Variants in APOB observed in about 807,000 individuals in gnomAD.
APOB encodes the protein apolipoprotein B, also known as apolipoprotein B-100.
APOB carries 153 observed loss-of-function variants against 314.1 expected under a neutral mutation model. The observed-to-expected ratio is 0.49, with a 90% CI of 0.43 to 0.56. The LOEUF (loss-of-function observed/expected upper bound fraction) is 0.56. Ranked by LOEUF, APOB falls within the 20% of genes least tolerant of loss-of-function variation. APOB has a pLI of 0.00. For synonymous variants in APOB, 2,087 were observed against 2,036.4 expected, an observed-to-expected ratio of 1.02 and a Z score of -0.67; for missense variants, 5,430 against 5,350.7, an observed-to-expected ratio of 1.01 and a Z score of -0.46.
At position 21,009,450 on chromosome 2, in the gene APOB, G is replaced by A; in HGVS notation, c.7418C>T (p.Thr2473Ile). Residue 2473 changes from threonine (T) to isoleucine (I), a missense_variant, in exon 26 of 29, where the codon ACC becomes ATC. Thr to Ile is a moderately conservative substitution (Grantham distance 89, BLOSUM62 -1). Transcript: ENST00000233242. ...AEALKLFLEE[T>I]KATVAVYLES... is the part of the protein sequence containing the mutation. ...CAGATACACTGCAACTGTGGCCTTG[G>A]TTTCCTCTAAAAACAGTTTTAATGC... The A allele has an allele frequency of 2.5e-6, 4 of 1,614,010 alleles. No homozygotes were observed. Among genetic ancestry groups the A allele is most frequent in the South Asian group, 2.2e-5 (2 of 91,064 alleles).
intron 17 of APOB, 133 bp downstream of exon 17, chr2:21,023,392 A>C: frequency 9.1e-7 from 1 of 1,097,594 alleles, no homozygotes; most frequent in Non-Finnish European, 1.4e-6. Context: ...TTTCATAAAA[A>C]AATAATGAGG....
Position 21,014,593 on chromosome 2 carries a change from C to T in APOB, c.3697G>A (p.Ala1233Thr). The change falls in exon 24 of 29, where the codon GCA becomes ACA. Residue 1233 changes from alanine (A) to threonine (T), a missense_variant and splice_region_variant. Physicochemically the swap from Ala to Thr is moderately conservative, Grantham distance 58 (BLOSUM62 0). Coordinates refer to ENST00000233242, the MANE Select transcript of APOB (RefSeq NM_000384.3). ...GCCTTCTGAAGCCATGAGCTCATTG[C>T]CTACAAAATGACAGGAGATTTTTAA... Reference protein sequence around the residue: ...FRHVGSKLIVAMSSWLQKASG... With the variant: ...FRHVGSKLIVTMSSWLQKASG... 1 of 1,613,940 alleles carries T rather than the reference C, an allele frequency of 6.2e-7. No homozygotes were observed. The highest frequency in any genetic ancestry group is 8.5e-7 in the Non-Finnish European group (1 of 1,179,906).
rs1031706455 is a variant in APOB at position 21,044,064 on chromosome 2, C to G, written c.-119G>C. The G allele has an allele frequency of 1.2e-5, 5 of 411,370 alleles. No individual in the cohort carries two copies. The highest frequency in any genetic ancestry group is 1.1e-4 in the African/African-American group (5 of 47,286). The allele number at this position is 411,370 out of a possible 1,614,324, so 25.5% of individuals were successfully genotyped here. On this transcript the variant is annotated 5_prime_UTR_variant, in exon 1 of 29. Transcript: ENST00000233242. ...GAAGGGCACTCAGCCCCGCAGGTCC[C>G]GGTGGGAATGCGCGGCCGGCGCCCG... is the stretch of plus-strand genomic sequence containing the variant.
intron 23 of APOB, 96 bp downstream of exon 23, chr2:21,014,977 A>G (rs1663427705): frequency 6.2e-6 from 8 of 1,299,822 alleles, no homozygotes; most frequent in South Asian, 4.8e-5. Context: ...AGCATGCCTT[A>G]TACATCTTTG....
chr2:21,008,891 A>G lies in APOB; in HGVS notation c.7977T>C (p.Pro2659=), dbSNP rs749975402. 1 of 1,614,102 alleles carries G rather than the reference A, an allele frequency of 6.2e-7. No homozygotes were observed. Among genetic ancestry groups the G allele is most frequent in the Non-Finnish European group, 8.5e-7 (1 of 1,179,934 alleles). Reference sequence around the variant, plus strand: ...TTTCTACAAAGTCAATTGTAAAGGAAGGAATGTGGAAGGTGTTAAGGATGG... The same window carrying G: ...TTTCTACAAAGTCAATTGTAAAGGAGGGAATGTGGAAGGTGTTAAGGATGG... ...EFTILNTFHI[P]SFTIDFVEMK... is the part of the protein sequence containing the mutation. The change falls in exon 26 of 29, where the codon CCT becomes CCC. Residue 2659 remains proline (P), a synonymous_variant. Transcript: ENST00000233242.
rs1663131953 is a variant in APOB at position 21,006,173 on chromosome 2, G to A, written c.10695C>T (p.His3565=). 6.2e-7 allele frequency: 1 copy of A among 1,613,884 alleles called. No homozygotes were observed. The highest frequency in any genetic ancestry group is 1.7e-5 in the Admixed American group (1 of 59,954). ...CTAGCTGTAAGTGGTTTTTCGTACT[G>A]TGCTCCCAGAGGGAATATATGCGTT... ...TLQRIYSLWE[H]STKNHLQLEG... The change falls in exon 26 of 29, where the codon CAC becomes CAT. Residue 3565 remains histidine (H), a synonymous_variant. Coordinates refer to ENST00000233242, the MANE Select transcript of APOB (RefSeq NM_000384.3).
chr2:21,032,605 G>C, intron 9 of APOB, 24 bp from the exon 10 acceptor site: 6 of 1,585,884 alleles, frequency 3.8e-6, no homozygotes, highest in Non-Finnish European at 5.2e-6. Flanking sequence ...CATGGATAAA[G>C]TTATACAGAC....
chr2:21,006,663 C>G lies in APOB; in HGVS notation c.10205G>C (p.Ser3402Thr), dbSNP rs1245720904. 3 of 1,613,956 alleles carry G rather than the reference C, an allele frequency of 1.9e-6. No homozygotes were observed. The African/African-American group carries it at 4.0e-5, about 22-fold the overall frequency. Residue 3402 changes from serine (S) to threonine (T), a missense_variant, in exon 26 of 29, where the codon AGC becomes ACC. By Grantham distance (58) the Ser-to-Thr change is moderately conservative. This residue lies in a region of APOB where 3,281 missense variants were observed against 3,171.0 expected (regional missense o/e 1.03). Coordinates refer to ENST00000233242, the MANE Select transcript of APOB (RefSeq NM_000384.3). ...GLKLATALSL[S>T]NKFVEGSHNS... ...ATGACTACCCTCCACAAATTTGTTG[C>G]TCAGAGACAGAGCTGTGGCTAACTT...
At chr2:21,014,138 C>G (rs946549864) in intron 24 of APOB, among the ~76,000 whole-genome samples, 1 of 152,174 alleles carries the variant, frequency 6.6e-6, no homozygotes, top group African/African-American at 2.4e-5. Flanking sequence ...TAGTCAATAA[C>G]GCCTCTAGCC....
At position 21,033,513 on chromosome 2, in the gene APOB, T is replaced by C. The variant is rs770450490; in HGVS notation, c.910A>G (p.Lys304Glu). Residue 304 changes from lysine to glutamate, a missense_variant, in exon 9 of 29, where the codon AAG (lysine) becomes GAG (glutamate). This residue lies in a region of APOB where 2,085 missense variants were observed against 2,079.7 expected (regional missense o/e 1.00). Coordinates refer to ENST00000233242, the MANE Select transcript of APOB (RefSeq NM_000384.3). ...INSRFFGEGT[K>E]KMGLAFESTK... The stretch of plus-strand genomic sequence containing the variant: ...CTCTCAAATGCGAGGCCCATCTTCT[T>C]AGTACCTGGAAGATGGAAAGTGTCA... 12 of 1,612,694 alleles carry C rather than the reference T, an allele frequency of 7.4e-6. No homozygotes were observed. Among genetic ancestry groups the C allele is most frequent in the Non-Finnish European group, 1.0e-5 (12 of 1,178,796 alleles).
chr2:21,014,686 A>C, intron 23 of APOB, 93 bp from the exon 24 acceptor site: 1 of 1,333,174 alleles, frequency 7.5e-7, no homozygotes, highest in Non-Finnish European at 1.1e-6. Context: ...TGACAAGTTA[A>C]TTATTAAGCT....
At chr2:21,024,906 G>A in intron 16 of APOB, 27 bp downstream of exon 16, 2 of 1,613,378 alleles carry the variant, frequency 1.2e-6, no homozygotes, top group Non-Finnish European at 1.7e-6. Context: ...TGGTCTCATG[G>A]GCCCCCAGTG....
chr2:21,022,714 C>T, intron 18 of APOB, 117 bp downstream of exon 18: 2 of 916,502 alleles, frequency 2.2e-6, no homozygotes, highest in African/African-American at 1.6e-5. Context: ...CTACTCCTCT[C>T]CTGCTTCCTC....
intron 9 of APOB, 151 bp from the exon 10 acceptor site, chr2:21,032,732 G>C (rs1160155610): frequency 2.8e-6 from 2 of 718,506 alleles, no homozygotes; most frequent in Non-Finnish European, 5.0e-6. Flanking sequence ...TCAGAACCAT[G>C]ATGCTTTCCT....
Position 21,007,695 on chromosome 2 carries a change from A to G in APOB, c.9173T>C (p.Val3058Ala). 6.2e-7 allele frequency: 1 copy of G among 1,614,102 alleles called. No individual in the cohort carries two copies. Among genetic ancestry groups the G allele is most frequent in the Non-Finnish European group, 8.5e-7 (1 of 1,179,952 alleles). Residue 3058 changes from valine (V) to alanine (A), a missense_variant, in exon 26 of 29, where the codon GTT becomes GCT. Transcript: ENST00000233242. ...ASTNNEGNLKVRFPLRLTGKI... is the reference protein window; with the variant it reads ...ASTNNEGNLKARFPLRLTGKI... ...CCCTGTTAACCTTAATGGAAAACGA[A>G]CTTTCAAATTCCCTTCATTGTTTGT...
At position 21,006,239 on chromosome 2, in the gene APOB, G is replaced by C. The variant is rs1553382944; in HGVS notation, c.10629C>G (p.Asn3543Lys). Residue 3543 changes from asparagine to lysine, a missense_variant, in exon 26 of 29, where the codon AAC becomes AAG. Coordinates refer to ENST00000233242, the MANE Select transcript of APOB (RefSeq NM_000384.3). ...CAGCAAAATTTTCTTTTACTTCAAG[G>C]TTCCAGATATCATCAATTTTGGAAG... ...QGTSKIDDIW[N>K]LEVKENFAGE... is the part of the protein sequence containing the mutation. 6.2e-6 allele frequency: 10 copies of C among 1,614,042 alleles called. No individual in the cohort carries two copies. Among genetic ancestry groups the C allele is most frequent in the Non-Finnish European group, 7.6e-6 (9 of 1,179,966 alleles).
rs747463777 is a variant in APOB, at chr2:21,004,411, G to T, written c.11945C>A (p.Ala3982Glu). The T allele has an allele frequency of 6.2e-7, 1 of 1,614,034 alleles. No homozygotes were observed. The highest frequency in any genetic ancestry group is 8.5e-7 in the Non-Finnish European group (1 of 1,179,938). Residue 3982 changes from alanine to glutamate, a missense_variant, in exon 28 of 29, where the codon GCG (alanine) becomes GAG (glutamate). This residue lies in a region of APOB where 3,281 missense variants were observed against 3,171.0 expected (regional missense o/e 1.03). Transcript: ENST00000233242. ...GKAHLNIKSPAFTDLHLRYQK... is the reference protein window; with the variant it reads ...GKAHLNIKSPEFTDLHLRYQK... ...GTAGCGCAGATGGAGATCGGTGAAC[G>T]CTGGGCTTTTGATATTGAGGTGCGC... is the stretch of plus-strand genomic sequence containing the variant.
chr2:21,007,642 G>A lies in APOB; in HGVS notation c.9226C>T (p.Leu3076=). 1 of 1,614,082 alleles carries A rather than the reference G, an allele frequency of 6.2e-7. No individual in the cohort carries two copies. Among genetic ancestry groups the A allele is most frequent in the Non-Finnish European group, 8.5e-7 (1 of 1,179,966 alleles). Residue 3076 remains leucine (L), a synonymous_variant, in exon 26 of 29, where the codon CTG becomes TTG. Coordinates refer to ENST00000233242, the MANE Select transcript of APOB (RefSeq NM_000384.3). ...GKIDFLNNYA[L]FLSPSAQQAS... is the part of the protein sequence containing the mutation. ...TGCTGGGCACTGGGACTCAGAAACA[G>A]TGCATAGTTATTCAGGAAGTCTATC... is the stretch of plus-strand genomic sequence containing the variant.
rs1663037692 is a variant in APOB, at chr2:21,003,119, A to G, written c.12303T>C (p.Ser4101=). ...EHTGLTLREV[S]SKLRRNLQNN... is the part of the protein sequence containing the mutation. ...TCTGCAGATTTCTTCTCAGCTTTGAAGACACTTCTCTCAGGGTGAGCCCTG... is the reference window on the plus strand; with the variant it reads ...TCTGCAGATTTCTTCTCAGCTTTGAGGACACTTCTCTCAGGGTGAGCCCTG... Residue 4101 remains serine, a synonymous_variant, in exon 29 of 29, where the codon TCT becomes TCC. Transcript: ENST00000233242. 1 of 1,604,660 alleles carries G rather than the reference A, an allele frequency of 6.2e-7. No individual in the cohort carries two copies. Among genetic ancestry groups the G allele is most frequent in the Non-Finnish European group, 8.5e-7 (1 of 1,174,340 alleles).
Sources: gnomAD v4.1 joint callset for allele counts (sites outside exome capture counted in the v4.1 genomes callset) on GRCh38, gnomAD v4.1.1 for gene constraint, gnomAD v4.1.1 regional missense constraint, MANE v1.5 for transcripts, NCBI Gene and HGNC (gene_info 2026-07-23, HGNC 2026-07-21) for gene names.